The following MS4A5 variants were observed in gnomAD, a reference collection of about 807,000 sequenced individuals.
MS4A5 encodes the protein membrane spanning 4-domains A5, also known as membrane-spanning 4-domains subfamily A member 5.
MS4A5 carries 15 observed loss-of-function variants against 18.2 expected under a neutral mutation model. That is an observed-to-expected ratio of 0.83 (90% CI 0.55 to 1.27). The LOEUF (loss-of-function observed/expected upper bound fraction) is 1.27, where lower values mean the gene tolerates loss of function less well. Among genes scored for constraint, MS4A5 ranks in the 50% most tolerant of loss-of-function variants. The probability of loss-of-function intolerance (pLI) is 0.00; values close to 1 mark genes in which losing one functional copy is unlikely to be tolerated. For missense variants in MS4A5, 232 were observed against 225.7 expected, an observed-to-expected ratio of 1.03 and a Z score of -0.18; for synonymous variants, 89 against 78.7, an observed-to-expected ratio of 1.13 and a Z score of -0.69.
At chr11:60,442,269 G>C (rs535198462) in intron 4 of MS4A5, among the ~76,000 whole-genome samples, 29 of 152,260 alleles carry the variant, frequency 1.9e-4, no homozygotes, top group African/African-American at 5.8e-4. Context: ...TTTACATCTA[G>C]CTAATTAACA....
intron 4 of MS4A5, among the ~76,000 whole-genome samples, chr11:60,441,375 A>T (rs1262068555): frequency 6.5e-5 from 8 of 123,174 alleles, no homozygotes; most frequent in African/African-American, 2.0e-4. Flanking sequence ...ACATGTATAC[A>T]TATGTAACTA....
chr11:60,444,082 G>T (rs1024987561), intron 4 of MS4A5, among the ~76,000 whole-genome samples: 2 of 152,158 alleles, frequency 1.3e-5, no homozygotes, highest in Non-Finnish European at 2.9e-5. Context: ...AATACTTTCA[G>T]TTCACTTCCC....
At chr11:60,434,479 A>G (rs1170766921) in intron 4 of MS4A5, among the ~76,000 whole-genome samples, 1 of 152,220 alleles carries the variant, frequency 6.6e-6, no homozygotes, top group Non-Finnish European at 1.5e-5. Flanking sequence ...GGGGGAAGTC[A>G]TATTAGAAGA....
chr11:60,446,927 T>G (rs2086141483), intron 4 of MS4A5, among the ~76,000 whole-genome samples: 1 of 152,210 alleles, frequency 6.6e-6, no homozygotes, highest in South Asian at 2.1e-4. Flanking sequence ...CTTTTATATA[T>G]GCATTTCTTT....
chr11:60,447,712 A>G lies in MS4A5; in HGVS notation c.556A>G (p.Ile186Val). ...IELFISLPFS[I>V]LGCHSEDCDC... ...ATTATTCATTTCTCTGCCTTTCTCA[A>G]TTTTGGGGTGCCACTCAGAGGATTG... The change falls in exon 5 of 5, where the codon ATT becomes GTT. Residue 186 changes from isoleucine to valine, a missense_variant. Transcript: ENST00000300190. The G allele has an allele frequency of 6.2e-7, 1 of 1,601,434 alleles. No individual in the cohort carries two copies. The highest frequency in any genetic ancestry group is 1.8e-5 in the Admixed American group (1 of 55,806).
chr11:60,429,939 C>T, intron 1 of MS4A5, 112 bp downstream of exon 1: 6 of 1,026,724 alleles, frequency 5.8e-6, no homozygotes, highest in Non-Finnish European at 8.4e-6. Context: ...TTCTTTAAGA[C>T]AATGTGAATA....
intron 4 of MS4A5, among the ~76,000 whole-genome samples, chr11:60,439,942 G>A (rs12417777): frequency 0.11 from 11,326 of 102,428 alleles, 703 homozygotes; most frequent in Admixed American, 0.19. Context: ...GTTCATATGG[G>A]ACCAAAAAAG....
chr11:60,443,712 A>G (rs4939360), intron 4 of MS4A5, among the ~76,000 whole-genome samples: 100,802 of 151,758 alleles, frequency 0.66, 33,816 homozygotes, highest in Middle Eastern at 0.8. Context: ...TTGAAAAACT[A>G]ATAAAATTGG....
At chr11:60,435,285 TAA>T (rs1303536221) in intron 4 of MS4A5, 9 of 410,280 alleles carry the variant, frequency 2.2e-5, no homozygotes, top group Admixed American at 1.9e-4. Flanking sequence ...TAAAAAGAAA[TAA>T]GACAATGCGA....
rs370526625 is a variant in MS4A5, at chr11:60,433,795, A to G, written c.370A>G (p.Ser124Gly). 39 of 1,613,980 alleles carry G rather than the reference A, an allele frequency of 2.4e-5. No homozygotes were observed. In the African/African-American group the frequency reaches 3.5e-4, roughly 14 times the overall value. Residue 124 changes from serine to glycine, a missense_variant, in exon 4 of 5, where the codon AGT becomes GGT. Transcript: ENST00000300190. The part of the protein sequence containing the change: ...IILSRIMNFL[S>G]ALGAIAGIIL... The stretch of plus-strand genomic sequence containing the variant: ...ATTGAGCCGAATAATGAATTTTCTT[A>G]GTGCCCTGGGAGCAATAGCTGGAAT...
Position 60,447,694 on chromosome 11 carries a change from A to G in MS4A5, c.538A>G (p.Ile180Val), listed in dbSNP as rs755976023. 1.3e-6 allele frequency: 2 copies of G among 1,597,742 alleles called. No homozygotes were observed. Among genetic ancestry groups the G allele is most frequent in the Non-Finnish European group, 1.7e-6 (2 of 1,176,128 alleles). ...LMTFSIIELF[I>V]SLPFSILGCH... ...GACTTTCAGCATTATTGAATTATTC[A>G]TTTCTCTGCCTTTCTCAATTTTGGG... The change falls in exon 5 of 5, where the codon ATT becomes GTT. Residue 180 changes from isoleucine to valine, a missense_variant. Transcript: ENST00000300190.
At chr11:60,429,930 T>A (rs2086039483) in intron 1 of MS4A5, 103 bp downstream of exon 1, 2 of 1,104,142 alleles carry the variant, frequency 1.8e-6, no homozygotes, top group South Asian at 3.1e-5. Flanking sequence ...TTCCAATTCT[T>A]CTTTAAGACA....
In MS4A5 at chr11:60,432,421, C is replaced by A; in HGVS notation, c.293C>A (p.Ser98Tyr). 1 of 1,590,076 alleles carries A rather than the reference C, an allele frequency of 6.3e-7. No individual in the cohort carries two copies. Among genetic ancestry groups the A allele is most frequent in the Non-Finnish European group, 8.6e-7 (1 of 1,160,820 alleles). ...TATTCCTCTTAACAGTTCATTAATT[C>A]TGGAGCCTTCCTAATTGCAGTGAAA... Reference protein sequence around the residue: ...PFWGSVLFINSGAFLIAVKRK... With the variant: ...PFWGSVLFINYGAFLIAVKRK... Residue 98 changes from serine to tyrosine, a missense_variant, in exon 3 of 5, where the codon TCT becomes TAT. Transcript: ENST00000300190.
intron 4 of MS4A5, among the ~76,000 whole-genome samples, chr11:60,441,521 C>T (rs1165267331): frequency 8.0e-5 from 11 of 137,846 alleles, no homozygotes; most frequent in Non-Finnish European, 1.4e-4. Context: ...CTTAGAAACT[C>T]GACAAAAAAA....
chr11:60,432,588 C>A (rs1590830640), intron 3 of MS4A5, 121 bp downstream of exon 3: 2 of 498,866 alleles, frequency 4.0e-6, no homozygotes, highest in African/African-American at 2.0e-5. Context: ...GAGTTCAAGA[C>A]CAGCCTGGCC....
intron 4 of MS4A5, among the ~76,000 whole-genome samples, chr11:60,443,435 GA>G (rs2086123954): frequency 6.6e-6 from 1 of 151,642 alleles, no homozygotes; most frequent in African/African-American, 2.4e-5. Flanking sequence ...CAAAATAATA[GA>G]AATATTTATA....
At chr11:60,440,293 T>G (rs1204691969) in intron 4 of MS4A5, among the ~76,000 whole-genome samples, 3 of 116,256 alleles carry the variant, frequency 2.6e-5, no homozygotes, top group Non-Finnish European at 5.6e-5. Flanking sequence ...GATTAAAGAC[T>G]TAAACGTTAG....
intron 4 of MS4A5, among the ~76,000 whole-genome samples, chr11:60,446,286 C>T (rs1236823989): frequency 6.6e-6 from 1 of 152,188 alleles, no homozygotes; most frequent in African/African-American, 2.4e-5. Flanking sequence ...TTAACCTTTG[C>T]AACCTAAGTA....
intron 2 of MS4A5, among the ~76,000 whole-genome samples, chr11:60,431,198 G>T (rs892308641): frequency 1.3e-5 from 2 of 152,172 alleles, no homozygotes; most frequent in African/African-American, 2.4e-5. Flanking sequence ...TTATAAGCCA[G>T]ATACACAGAG....
Sources: gnomAD v4.1 joint callset for allele counts (sites outside exome capture counted in the v4.1 genomes callset) on GRCh38, gnomAD v4.1.1 for gene constraint, MANE v1.5 for transcripts, NCBI Gene and HGNC (gene_info 2026-07-23, HGNC 2026-07-21) for gene names.